Variants in DUSP22 observed in about 807,000 individuals in gnomAD.
DUSP22 encodes the protein dual specificity protein phosphatase 22.
A neutral mutation model predicts 24.5 loss-of-function variants in DUSP22; 24 were observed. That is an observed-to-expected ratio of 0.98 (90% CI 0.71 to 1.38). The LOEUF (loss-of-function observed/expected upper bound fraction) is 1.38, where lower values mean the gene tolerates loss of function less well. DUSP22 is among the 40% of genes most tolerant of loss of function. The probability of loss-of-function intolerance (pLI) is 0.00; values close to 1 mark genes in which losing one functional copy is unlikely to be tolerated. For missense variants in DUSP22, 330 were observed against 269.2 expected, an observed-to-expected ratio of 1.23 and a Z score of -1.58; for synonymous variants, 160 against 106.4, an observed-to-expected ratio of 1.50 and a Z score of -3.10.
intron 3 of DUSP22, among the ~76,000 whole-genome samples, chr6:321,712 G>T (rs531581934): frequency 6.6e-6 from 1 of 152,412 alleles, no homozygotes; most frequent in East Asian, 1.9e-4. Context: ...AATAATTAGG[G>T]TAAAGAGGGA....
intron 1 of DUSP22, among the ~76,000 whole-genome samples, chr6:303,613 A>T (rs901762823): frequency 7.9e-5 from 12 of 152,304 alleles, no homozygotes; most frequent in Middle Eastern, 3.2e-3. Context: ...TAGGACATCT[A>T]GGGATCTGTG....
rs145274005 is a variant in DUSP22, at chr6:350,902, C to T, written c.*1951C>T. On this transcript the variant is annotated 3_prime_UTR_variant, in exon 7 of 7. Coordinates refer to ENST00000419235, the MANE Select transcript of DUSP22 (RefSeq NM_001286555.3). ...AAGTTTCTGAAATATTGCAAACCCA[C>T]AGAGTTTAGGCTGGTGCTGCCAAAA... The T allele has an allele frequency of 1.3e-3, 2,046 of 1,612,984 alleles. 6 individuals carry two copies. The Admixed American group carries it at 0.032, about 25-fold the overall frequency.
At chr6:318,086 C>T (rs1191031372) in intron 3 of DUSP22, among the ~76,000 whole-genome samples, 2 of 152,310 alleles carry the variant, frequency 1.3e-5, no homozygotes, top group Non-Finnish European at 2.9e-5. Context: ...TGTGGATGTC[C>T]TGTTCTACAG....
intron 4 of DUSP22, chr6:337,984 A>C (rs1581185063): frequency 6.5e-6 from 1 of 152,682 alleles, no homozygotes; most frequent in Admixed American, 6.5e-5. Context: ...GGGGCTTGTG[A>C]GTGGAGGATG....
Position 349,411 on chromosome 6 carries a change from T to G in DUSP22, c.*460T>G. 9.8e-7 allele frequency: 1 copy of G among 1,019,192 alleles called. No individual in the cohort carries two copies. Among genetic ancestry groups the G allele is most frequent in the Non-Finnish European group, 1.2e-6 (1 of 850,798 alleles). The allele number at this position is 1,019,192 out of a possible 1,614,324, so 63.1% of individuals were successfully genotyped here. On this transcript the variant is annotated 3_prime_UTR_variant, in exon 7 of 7. Transcript: ENST00000419235. The stretch of plus-strand genomic sequence containing the variant: ...TGCTGCCCGGGTTGGTGTGGCCACC[T>G]TTCCCTTTGTCCAAGACTCCACATG...
chr6:345,989 A>G, intron 5 of DUSP22, 61 bp downstream of exon 5: 3 of 1,599,232 alleles, frequency 1.9e-6, no homozygotes, highest in Non-Finnish European at 2.6e-6. Context: ...GCTTCCCATC[A>G]AGTGTTTTTC....
intron 1 of DUSP22, among the ~76,000 whole-genome samples, chr6:293,585 T>A (rs1185434058): frequency 6.6e-6 from 1 of 152,304 alleles, no homozygotes; most frequent in Non-Finnish European, 1.5e-5. Context: ...TTTTTTTTCA[T>A]GTCCCTCAGC....
intron 1 of DUSP22, among the ~76,000 whole-genome samples, chr6:295,443 GA>G (rs1261274655): frequency 6.6e-6 from 1 of 152,180 alleles, no homozygotes; most frequent in African/African-American, 2.4e-5. Context: ...AGATGGAGGG[GA>G]AAAAGGCTTT....
chr6:330,742 C>A (rs1490700638), intron 3 of DUSP22, among the ~76,000 whole-genome samples: 12 of 152,304 alleles, frequency 7.9e-5, no homozygotes, highest in African/African-American at 2.9e-4. Context: ...TCTGAACTTT[C>A]TTCTCCTCCA....
At chr6:294,377 T>G (rs1757231684) in intron 1 of DUSP22, among the ~76,000 whole-genome samples, 3 of 152,262 alleles carry the variant, frequency 2.0e-5, no homozygotes. Context: ...GGGAGTACAG[T>G]GGTAAATGAC....
chr6:330,136 C>A (rs2127410053), intron 3 of DUSP22, among the ~76,000 whole-genome samples: 1 of 152,426 alleles, frequency 6.6e-6, no homozygotes, highest in African/African-American at 2.4e-5. Flanking sequence ...AGGAGGACCC[C>A]CCTGGGCTCA....
intron 3 of DUSP22, among the ~76,000 whole-genome samples, chr6:322,012 T>C (rs1349582966): frequency 4.6e-5 from 7 of 152,298 alleles, no homozygotes; most frequent in Non-Finnish European, 1.5e-5. Flanking sequence ...AGGAGAGAGG[T>C]CTCGGCTGGA....
chr6:333,697 A>G (rs1402143506), intron 3 of DUSP22, among the ~76,000 whole-genome samples: 2 of 152,306 alleles, frequency 1.3e-5, no homozygotes, highest in African/African-American at 2.4e-5. Context: ...ACTGGCCCCA[A>G]GCTCAGCGCC....
At chr6:295,310 T>C (rs1220435881) in intron 1 of DUSP22, among the ~76,000 whole-genome samples, 3 of 152,288 alleles carry the variant, frequency 2.0e-5, no homozygotes, top group African/African-American at 7.2e-5. Flanking sequence ...TCTGAGTGCT[T>C]TGGGACAGCA....
Position 339,199 on chromosome 6 carries a change from G to A in DUSP22, c.188+4036G>A, listed in dbSNP as rs571927819. 1.4e-4 allele frequency among the ~76,000 whole-genome samples: 21 copies of A among 152,412 alleles called. No individual in the cohort carries two copies. In the South Asian group the frequency reaches 1.7e-3, roughly 12 times the overall value. ...ACTGCGTGTTCCCCAAGTGGCCAGCGTGGTATGGGTTAGTGAATTAAGGGC... is the reference window on the plus strand; with the variant it reads ...ACTGCGTGTTCCCCAAGTGGCCAGCATGGTATGGGTTAGTGAATTAAGGGC... On this transcript the variant is annotated intron_variant, in intron 4 of 6. Coordinates refer to ENST00000419235, the MANE Select transcript of DUSP22 (RefSeq NM_001286555.3).
intron 2 of DUSP22, among the ~76,000 whole-genome samples, chr6:308,365 C>T (rs1483107587): frequency 6.6e-6 from 1 of 152,302 alleles, no homozygotes; most frequent in Non-Finnish European, 1.5e-5. Context: ...TCCAGGACAA[C>T]CAATAGTGTG....
At chr6:308,825 A>G (rs1757941117) in intron 2 of DUSP22, among the ~76,000 whole-genome samples, 1 of 152,310 alleles carries the variant, frequency 6.6e-6, no homozygotes, top group Admixed American at 6.5e-5. Flanking sequence ...AGAAAAGTAG[A>G]TTGAAACAAA....
intron 4 of DUSP22, 141 bp from the exon 5 acceptor site, chr6:345,713 C>T (rs867413324): frequency 2.0e-6 from 2 of 989,290 alleles, no homozygotes; most frequent in East Asian, 5.4e-5. Context: ...CACACTGTAG[C>T]CCATAAATAT....
intron 3 of DUSP22, among the ~76,000 whole-genome samples, chr6:323,828 C>A (rs1408062809): frequency 1.3e-5 from 2 of 152,298 alleles, no homozygotes; most frequent in East Asian, 1.9e-4. Context: ...AGAATAGGTA[C>A]AAATCAAATA....
Sources: allele counts gnomAD v4.1 joint callset (sites outside exome capture counted in the v4.1 genomes callset), GRCh38; gene constraint gnomAD v4.1.1; transcripts MANE v1.5; gene names NCBI Gene and HGNC (gene_info 2026-07-23, HGNC 2026-07-21).